Variants in BEND6 observed in about 807,000 individuals in gnomAD.
BEND6 encodes the protein BEN domain-containing protein 6.
Under a neutral mutation model 31.8 loss-of-function variants are expected in BEND6, and 24 were observed. The ratio of observed to expected loss-of-function variants is 0.75; its 90% CI spans 0.55 to 1.06. The LOEUF is 1.06. BEND6 is among the 50% of genes least tolerant of loss of function. BEND6 has a pLI of 0.00. For missense variants in BEND6, 294 were observed against 327.4 expected, an observed-to-expected ratio of 0.90 and a Z score of 0.79; for synonymous variants, 109 against 114.6, an observed-to-expected ratio of 0.95 and a Z score of 0.31.
chr6:57,003,904 CA>C (rs1367552274), intron 3 of BEND6, among the ~76,000 whole-genome samples: 1 of 152,168 alleles, frequency 6.6e-6, no homozygotes, highest in African/African-American at 2.4e-5. Flanking sequence ...TGATTTACCA[CA>C]TAAACAAAAT....
chr6:57,022,683 G>A (rs1248648594), intron 6 of BEND6, among the ~76,000 whole-genome samples: 2 of 151,490 alleles, frequency 1.3e-5, no homozygotes, highest in Non-Finnish European at 2.9e-5. Context: ...TTTAGGCTCC[G>A]TTTGTTCCTG....
At chr6:56,994,322 G>A (rs1045093869) in intron 3 of BEND6, among the ~76,000 whole-genome samples, 1 of 151,870 alleles carries the variant, frequency 6.6e-6, no homozygotes, top group Non-Finnish European at 1.5e-5. Flanking sequence ...AGCCAGGCGT[G>A]GTGGCGGGCA....
rs561821104 is a variant in BEND6, at chr6:56,994,017, A to G, written c.298+1462A>G. On this transcript the variant is annotated intron_variant, in intron 3 of 6. Coordinates refer to ENST00000370746, the MANE Select transcript of BEND6 (RefSeq NM_152731.3). ...ACCTGGCCTTATTTCTTCATTTTACATATTATGTTTTTAAAACTGATGTTT... is the reference window on the plus strand; with the variant it reads ...ACCTGGCCTTATTTCTTCATTTTACGTATTATGTTTTTAAAACTGATGTTT... 4.6e-5 allele frequency among the ~76,000 whole-genome samples: 7 copies of G among 152,198 alleles called. No homozygotes were observed. In the East Asian group the frequency reaches 1.2e-3, roughly 25 times the overall value.
chr6:56,988,304 C>T (rs1219168295), intron 2 of BEND6, among the ~76,000 whole-genome samples: 1 of 152,140 alleles, frequency 6.6e-6, no homozygotes, highest in Non-Finnish European at 1.5e-5. Context: ...GCGTGAGCCA[C>T]CACGCCCAGC....
rs79832749 is a variant in BEND6 at position 56,984,713 on chromosome 6, T to C, written c.120+2783T>C. ...TAAGCATGAAAACTGTTCTCTTCAA[T>C]TACGGCATCTGTGTTCAGCCTCTTT... On this transcript the variant is annotated intron_variant, in intron 2 of 6. Coordinates refer to ENST00000370746, the MANE Select transcript of BEND6 (RefSeq NM_152731.3). Among the ~76,000 whole-genome samples, 927 of 152,344 alleles carry C rather than the reference T, an allele frequency of 6.1e-3. 16 individuals carry two copies. The highest frequency in any genetic ancestry group is 0.022 in the African/African-American group (900 of 41,578).
Position 56,992,405 on chromosome 6 carries a change from C to T in BEND6, c.148C>T (p.Leu50=). ...AGACCCATATTCGGGAAATGCCTTTCTGCCTGGTGAAAGCTCCAGTGAGGA... is the reference window on the plus strand; with the variant it reads ...AGACCCATATTCGGGAAATGCCTTTTTGCCTGGTGAAAGCTCCAGTGAGGA... The part of the protein sequence containing the change: ...QRDPYSGNAF[L]PGESSSEDEE... Residue 50 remains leucine (L), a synonymous_variant, in exon 3 of 7, where the codon CTG becomes TTG. Transcript: ENST00000370746. 6.2e-7 allele frequency: 1 copy of T among 1,611,370 alleles called. No homozygotes were observed. Among genetic ancestry groups the T allele is most frequent in the African/African-American group, 1.3e-5 (1 of 74,724 alleles).
chr6:56,990,954 G>A (rs944950100), intron 2 of BEND6, among the ~76,000 whole-genome samples: 3 of 152,036 alleles, frequency 2.0e-5, no homozygotes, highest in South Asian at 2.1e-4. Context: ...TCATATGAAC[G>A]TACAGGTAAA....
chr6:56,982,041 C>T (rs544536730), intron 2 of BEND6, 111 bp downstream of exon 2: 779 of 1,211,816 alleles, frequency 6.4e-4, no homozygotes, highest in Non-Finnish European at 7.3e-4. Flanking sequence ...TAATTCTTTT[C>T]ATTTCTTTAT....
intron 2 of BEND6, among the ~76,000 whole-genome samples, chr6:56,982,591 T>C (rs914798345): frequency 6.6e-6 from 1 of 152,214 alleles, no homozygotes; most frequent in Admixed American, 6.5e-5. Context: ...GTTTTTGTAA[T>C]ACATATAATT....
chr6:57,010,881 T>G, intron 3 of BEND6: 2 of 665,852 alleles, frequency 3.0e-6, no homozygotes, highest in Non-Finnish European at 3.7e-6. Flanking sequence ...TGTTATAAAA[T>G]TAAAAGATAA....
At chr6:56,982,567 C>A (rs928786891) in intron 2 of BEND6, among the ~76,000 whole-genome samples, 11 of 151,982 alleles carry the variant, frequency 7.2e-5, no homozygotes, top group Non-Finnish European at 1.5e-4. Flanking sequence ...ATTTCTGTAT[C>A]TTTTTATTTG....
chr6:57,003,351 A>T (rs1349180946), intron 3 of BEND6, among the ~76,000 whole-genome samples: 1 of 152,116 alleles, frequency 6.6e-6, no homozygotes, highest in African/African-American at 2.4e-5. Flanking sequence ...AATAAAAAGA[A>T]TTAGCCAAGT....
At chr6:56,965,169 T>A (rs1484754042) in intron 1 of BEND6, among the ~76,000 whole-genome samples, 1 of 152,226 alleles carries the variant, frequency 6.6e-6, no homozygotes, top group Non-Finnish European at 1.5e-5. Context: ...ATAAAATGTG[T>A]AATGTAGCTG....
intron 2 of BEND6, among the ~76,000 whole-genome samples, chr6:56,983,642 G>T (rs1826145758): frequency 6.6e-6 from 1 of 152,088 alleles, no homozygotes; most frequent in African/African-American, 2.4e-5. Context: ...GCAAGATCTT[G>T]TTCTTTTTTA....
chr6:57,002,801 A>G (rs1826993906), intron 3 of BEND6, among the ~76,000 whole-genome samples: 1 of 149,550 alleles, frequency 6.7e-6, no homozygotes, highest in East Asian at 1.9e-4. Flanking sequence ...TAGAGAAACT[A>G]GAAAATCAAG....
intron 3 of BEND6, among the ~76,000 whole-genome samples, chr6:56,994,333 C>T (rs1218285618): frequency 6.6e-6 from 1 of 151,742 alleles, no homozygotes; most frequent in African/African-American, 2.4e-5. Flanking sequence ...GTGGCGGGCA[C>T]CTGTAGTCCC....
intron 3 of BEND6, 149 bp downstream of exon 3, chr6:56,992,704 A>G (rs1562547600): frequency 4.3e-6 from 4 of 926,064 alleles, no homozygotes; most frequent in South Asian, 4.1e-5. Context: ...CACTGATTAT[A>G]TAATTTAAAT....
At chr6:56,974,536 T>C (rs1825807508) in intron 1 of BEND6, among the ~76,000 whole-genome samples, 1 of 152,212 alleles carries the variant, frequency 6.6e-6, no homozygotes, top group Non-Finnish European at 1.5e-5. Flanking sequence ...GTTTATGTAT[T>C]GCCTATGCTT....
intron 1 of BEND6, among the ~76,000 whole-genome samples, chr6:56,967,377 C>A (rs1825519647): frequency 6.6e-6 from 1 of 152,080 alleles, no homozygotes. Context: ...GTTATTGCAA[C>A]CTGAAAGGAG....
Sources: allele counts gnomAD v4.1 joint callset (sites outside exome capture counted in the v4.1 genomes callset), GRCh38; gene constraint gnomAD v4.1.1; transcripts MANE v1.5; gene names NCBI Gene and HGNC (gene_info 2026-07-23, HGNC 2026-07-21).